AK4: variants seen among roughly 807,000 people sequenced by gnomAD.
AK4 encodes the protein adenylate kinase 4, also known as adenylate kinase 4, mitochondrial.
AK4 carries 13 observed loss-of-function variants against 24.6 expected under a neutral mutation model. The observed-to-expected ratio is 0.53, with a 90% CI of 0.34 to 0.84. AK4 has a LOEUF of 0.84. Among genes scored for constraint, AK4 ranks in the 40% least tolerant of loss-of-function variants. AK4 has a pLI of 0.01. For synonymous variants in AK4, 88 were observed against 107.0 expected, an observed-to-expected ratio of 0.82 and a Z score of 1.10; for missense variants, 192 against 288.2, an observed-to-expected ratio of 0.67 and a Z score of 2.42.
At chr1:65,156,830 ACTTGAGAATTG>A (rs1276679256) in intron 1 of AK4, among the ~76,000 whole-genome samples, 1 of 151,354 alleles carries the variant, frequency 6.6e-6, no homozygotes, top group East Asian at 1.9e-4. Flanking sequence ...GCTGAGATTT[ACTTGAGAATTG>A]CTTGAACCCG....
Position 65,226,424 on chromosome 1 carries a change from A to T in AK4, c.*247A>T. 1 of 422,578 alleles carries T rather than the reference A, an allele frequency of 2.4e-6. No homozygotes were observed. The highest frequency in any genetic ancestry group is 4.3e-6 in the Non-Finnish European group (1 of 234,862). The allele number at this position is 422,578 out of a possible 1,614,324, so 26.2% of individuals were successfully genotyped here. A position where few individuals can be genotyped will look rare whatever the true frequency, so the allele number is the denominator to read the frequency against. ...GCACATGTCTCAAGCCCATCACAAG[A>T]AAGCAAGTACAGTGTGGATTTCAAA... On this transcript the variant is annotated 3_prime_UTR_variant, in exon 5 of 5. Coordinates refer to ENST00000327299, the MANE Select transcript of AK4 (RefSeq NM_013410.4).
At chr1:65,176,656 G>A (rs949261604) in intron 1 of AK4, among the ~76,000 whole-genome samples, 18 of 152,050 alleles carry the variant, frequency 1.2e-4, no homozygotes, top group African/African-American at 4.3e-4. Context: ...CCAAATGCAG[G>A]GAGTTGAAGT....
At chr1:65,215,554 T>G (rs907855709) in intron 2 of AK4, among the ~76,000 whole-genome samples, 1 of 152,216 alleles carries the variant, frequency 6.6e-6, no homozygotes, top group Admixed American at 6.5e-5. Context: ...AATGGTTTAT[T>G]TCTATAGTTG....
At chr1:65,216,553 T>TTTATTC (rs1305854461) in intron 2 of AK4, among the ~76,000 whole-genome samples, 2 of 125,810 alleles carry the variant, frequency 1.6e-5, no homozygotes, top group African/African-American at 1.0e-4. Context: ...AAAATGCTTT[T>TTTATTC]CATTGATGTG....
chr1:65,172,855 ATTTTTTT>A (rs11408059), intron 1 of AK4, among the ~76,000 whole-genome samples: 20 of 110,918 alleles, frequency 1.8e-4, no homozygotes, highest in African/African-American at 3.5e-4. Context: ...CCAGCAAGAG[ATTTTTTT>A]TTTTTTTTTT....
At chr1:65,155,644 C>G (rs1034413558) in intron 1 of AK4, among the ~76,000 whole-genome samples, 1 of 145,040 alleles carries the variant, frequency 6.9e-6, no homozygotes, top group African/African-American at 2.5e-5. Flanking sequence ...ACTGCTAATA[C>G]TTTTTTTTTT....
chr1:65,219,633 A>C (rs566081134), intron 3 of AK4, among the ~76,000 whole-genome samples: 2 of 152,322 alleles, frequency 1.3e-5, no homozygotes, highest in African/African-American at 2.4e-5. Flanking sequence ...TTAGGTTTAC[A>C]TAAAAATTAA....
At chr1:65,180,448 C>G (rs936679207) in intron 1 of AK4, among the ~76,000 whole-genome samples, 1 of 152,140 alleles carries the variant, frequency 6.6e-6, no homozygotes, top group Non-Finnish European at 1.5e-5. Context: ...TGAACAAATA[C>G]CAATTGAAAG....
chr1:65,225,428 TTC>T (rs1307428332), intron 4 of AK4, among the ~76,000 whole-genome samples: 2 of 152,176 alleles, frequency 1.3e-5, no homozygotes, highest in Admixed American at 1.3e-4. Flanking sequence ...CCAGTTATCA[TTC>T]TAGGGCACGC....
At chr1:65,190,649 G>T in intron 1 of AK4, 61 bp from the exon 2 acceptor site, 1 of 1,573,744 alleles carries the variant, frequency 6.4e-7, no homozygotes, top group Non-Finnish European at 8.6e-7. Flanking sequence ...ACTAAGAGTT[G>T]GTAAGCTTTG....
At chr1:65,162,564 C>T (rs576357334) in intron 1 of AK4, among the ~76,000 whole-genome samples, 69 of 151,876 alleles carry the variant, frequency 4.5e-4, no homozygotes, top group East Asian at 2.5e-3. Flanking sequence ...AACTCAGGGC[C>T]GGGCGCAGTG....
At chr1:65,173,445 G>C (rs1397331840) in intron 1 of AK4, among the ~76,000 whole-genome samples, 1 of 152,038 alleles carries the variant, frequency 6.6e-6, no homozygotes, top group South Asian at 2.1e-4. Context: ...CTCTAATACT[G>C]GGTATTTTCT....
rs923088928 is a variant in AK4 at position 65,186,076 on chromosome 1, C to A, written c.146-4634C>A. Among the ~76,000 whole-genome samples, 60 of 151,996 alleles carry A rather than the reference C, an allele frequency of 3.9e-4. 1 individual carries two copies. Among genetic ancestry groups the A allele is most frequent in the African/African-American group, 1.5e-3 (60 of 41,376 alleles). On this transcript the variant is annotated intron_variant, in intron 1 of 4. Coordinates refer to ENST00000327299, the MANE Select transcript of AK4 (RefSeq NM_013410.4). ...GATTTTTGCAAGGTAAAAGAAAATTCTCCTATCTTCAGGGTGTTCATTCAT... is the reference window on the plus strand; with the variant it reads ...GATTTTTGCAAGGTAAAAGAAAATTATCCTATCTTCAGGGTGTTCATTCAT...
At chr1:65,163,853 A>G (rs1650248014) in intron 1 of AK4, among the ~76,000 whole-genome samples, 1 of 151,862 alleles carries the variant, frequency 6.6e-6, no homozygotes, top group African/African-American at 2.4e-5. Flanking sequence ...CAGGTTGGAG[A>G]TGGAATCATA....
At chr1:65,212,195 A>C (rs1371763435) in intron 2 of AK4, among the ~76,000 whole-genome samples, 1 of 152,190 alleles carries the variant, frequency 6.6e-6, no homozygotes, top group Non-Finnish European at 1.5e-5. Context: ...TATATCTGGC[A>C]CATAAGGGAT....
At chr1:65,187,303 G>A (rs975163625) in intron 1 of AK4, among the ~76,000 whole-genome samples, 6 of 146,888 alleles carry the variant, frequency 4.1e-5, no homozygotes, top group African/African-American at 1.3e-4. Context: ...AGCCGAGATC[G>A]CGCCACTGCA....
intron 2 of AK4, among the ~76,000 whole-genome samples, chr1:65,212,463 C>A (rs1455692351): frequency 6.6e-6 from 1 of 152,006 alleles, no homozygotes; most frequent in African/African-American, 2.4e-5. Context: ...TAGGATCCAC[C>A]CATGCTCACC....
chr1:65,223,300 T>G (rs1179950950), intron 3 of AK4, among the ~76,000 whole-genome samples: 1 of 152,132 alleles, frequency 6.6e-6, no homozygotes. Flanking sequence ...GTGATTCTCC[T>G]GCCTCAGACT....
At chr1:65,156,646 G>A (rs367827862) in intron 1 of AK4, among the ~76,000 whole-genome samples, 3 of 152,124 alleles carry the variant, frequency 2.0e-5, no homozygotes, top group Admixed American at 6.5e-5. Context: ...AAAATTTGCC[G>A]GGCTCGGTGG....
Sources: gnomAD v4.1 joint callset for allele counts (sites outside exome capture counted in the v4.1 genomes callset) on GRCh38, gnomAD v4.1.1 for gene constraint, MANE v1.5 for transcripts, NCBI Gene and HGNC (gene_info 2026-07-23, HGNC 2026-07-21) for gene names.